The following PARP10 variants were observed in gnomAD, a reference collection of about 807,000 sequenced individuals.
The protein encoded by PARP10 is protein mono-ADP-ribosyltransferase PARP10.
Under a neutral mutation model 82.4 loss-of-function variants are expected in PARP10, and 56 were observed. That is an observed-to-expected ratio of 0.68 (90% CI 0.55 to 0.85). PARP10 has a LOEUF of 0.85. PARP10 is among the 40% of genes least tolerant of loss of function. PARP10 has a pLI of 0.00. For missense variants in PARP10, 1,227 were observed against 1,379.4 expected, an observed-to-expected ratio of 0.89 and a Z score of 1.75; for synonymous variants, 576 against 601.1, an observed-to-expected ratio of 0.96 and a Z score of 0.61.
chr8:143,998,020 T>G (rs1554751421), intron 1 of PARP10, among the ~76,000 whole-genome samples: 3 of 152,232 alleles, frequency 2.0e-5, no homozygotes, highest in Admixed American at 6.5e-5. Context: ...CTCAAACTCC[T>G]GGGTTCAAGC....
At chr8:144,007,931 A>G (rs940074838) in intron 1 of PARP10, among the ~76,000 whole-genome samples, 4 of 152,182 alleles carry the variant, frequency 2.6e-5, no homozygotes, top group Admixed American at 1.3e-4. Context: ...AGTGCCTGGT[A>G]TACAATAAGC....
chr8:143,983,474 G>C lies in PARP10; in HGVS notation c.2115C>G (p.Gly705=), dbSNP rs1554748244. The C allele has an allele frequency of 6.2e-7, 1 of 1,606,864 alleles. No individual in the cohort carries two copies. Among genetic ancestry groups the C allele is most frequent in the Non-Finnish European group, 8.5e-7 (1 of 1,178,614 alleles). The change falls in exon 8 of 11, where the codon GGC becomes GGG. Residue 705 remains glycine, a synonymous_variant. Coordinates refer to ENST00000313028, the MANE Select transcript of PARP10 (RefSeq NM_032789.5). ...CCGAGTGCACCACCAGCTGGGCCTT[G>C]CCATCAGTCCCCCCATCTGGGGGCT... The part of the protein sequence containing the change: ...AEEPPDGGTD[G]KAQLVVHSAF...
chr8:144,011,240 C>A lies in PARP10; in HGVS notation c.-80+1290G>T, dbSNP rs1487822715. On this transcript the variant is annotated intron_variant, in intron 1 of 3. Transcript: ENST00000530478. The surrounding 1 kb of genome is among the most constrained non-coding windows in gnomAD (Gnocchi z 4.5). ...TTTCACATGTTGAAGGAAAGCCCAA[C>A]AGAGACACTCTATAAAGTTAGAGGG... is the stretch of plus-strand genomic sequence containing the variant. Among the ~76,000 whole-genome samples, 1 of 152,046 alleles carries A rather than the reference C, an allele frequency of 6.6e-6. No individual in the cohort carries two copies. The highest frequency in any genetic ancestry group is 1.5e-5 in the Non-Finnish European group (1 of 68,022).
At chr8:143,982,843 C>T (rs1337795096) in intron 9 of PARP10, 89 bp downstream of exon 9, 36 of 1,550,300 alleles carry the variant, frequency 2.3e-5, no homozygotes, top group Middle Eastern at 3.6e-4. Flanking sequence ...TTGATGTAGG[C>T]GAGAGGGACA....
chr8:143,980,137 T>C (rs1305678059), intron 9 of PARP10, among the ~76,000 whole-genome samples: 3 of 149,890 alleles, frequency 2.0e-5, no homozygotes, highest in Non-Finnish European at 3.0e-5. Flanking sequence ...CTGGCTAACA[T>C]GGTGAAACCC....
At chr8:143,980,654 A>G (rs1417746161) in intron 9 of PARP10, among the ~76,000 whole-genome samples, 1 of 152,122 alleles carries the variant, frequency 6.6e-6, no homozygotes, top group African/African-American at 2.4e-5. Context: ...CACTAAACAA[A>G]AGAGTCTGTG....
intron 1 of PARP10, among the ~76,000 whole-genome samples, chr8:144,004,244 G>A (rs1834220865): frequency 6.6e-6 from 1 of 152,124 alleles, no homozygotes; most frequent in Non-Finnish European, 1.5e-5. Flanking sequence ...CCAGGAGGTC[G>A]AGGCCCTGTC....
rs1382870143 is a variant in PARP10 at position 143,986,414 on chromosome 8, C to T, written c.-55G>A. 8 of 1,613,902 alleles carry T rather than the reference C, an allele frequency of 5.0e-6. No individual in the cohort carries two copies. The African/African-American group carries it at 8.0e-5, about 16-fold the overall frequency. On this transcript the variant is annotated 5_prime_UTR_variant, in exon 1 of 11. Transcript: ENST00000313028. The stretch of plus-strand genomic sequence containing the variant: ...ATGAGCTCAGCCAGGACTCCTGTGC[C>T]TGCCCCTCAGCAAGCCTAACCCTGC...
At chr8:144,004,193 C>T (rs1834220515) in intron 1 of PARP10, among the ~76,000 whole-genome samples, 1 of 151,938 alleles carries the variant, frequency 6.6e-6, no homozygotes, top group Admixed American at 6.5e-5. Context: ...TGGCGCTTGC[C>T]TGTAGTCCTC....
intron 1 of PARP10, among the ~76,000 whole-genome samples, chr8:144,007,273 C>T (rs1392451984): frequency 6.6e-6 from 1 of 152,244 alleles, no homozygotes; most frequent in Admixed American, 6.5e-5. Flanking sequence ...TGAGGCCACT[C>T]TTCCCAGCTC....
rs1554746667 is a variant in PARP10, at chr8:143,977,840, G to A, written c.2732-10C>T. 1.3e-6 allele frequency: 2 copies of A among 1,597,576 alleles called. No individual in the cohort carries two copies. The highest frequency in any genetic ancestry group is 1.7e-6 in the Non-Finnish European group (2 of 1,172,734). ...TTCCCGTAGACCGTGGCTGCAGGGCGAGACGGGGCAAGGTCAGGGTGGTCG... is the reference window on the plus strand; with the variant it reads ...TTCCCGTAGACCGTGGCTGCAGGGCAAGACGGGGCAAGGTCAGGGTGGTCG... On this transcript the variant is annotated splice_polypyrimidine_tract_variant and intron_variant, in intron 10 of 10. Transcript: ENST00000313028.
upstream of PARP10, among the ~76,000 whole-genome samples, chr8:143,994,262 G>T (rs376574255): frequency 2.6e-5 from 4 of 152,220 alleles, no homozygotes; most frequent in East Asian, 1.9e-4. Flanking sequence ...GTTGTGGGGT[G>T]CCCAGAGCCA....
upstream of PARP10, among the ~76,000 whole-genome samples, chr8:143,994,377 C>T (rs1465858928): frequency 1.3e-5 from 2 of 152,202 alleles, no homozygotes; most frequent in African/African-American, 4.8e-5. Flanking sequence ...CTGGCCTCCT[C>T]GCCTGCCCCG....
intron 1 of PARP10, among the ~76,000 whole-genome samples, chr8:144,010,244 G>A (rs1302169518): frequency 1.3e-5 from 2 of 152,172 alleles, no homozygotes; most frequent in African/African-American, 4.8e-5. Context: ...TCAATTCATA[G>A]CCACTCTCCA....
chr8:144,003,428 CAAAA>C (rs782496305), intron 1 of PARP10, among the ~76,000 whole-genome samples: 1 of 56,116 alleles, frequency 1.8e-5, no homozygotes, highest in Non-Finnish European at 4.2e-5. Context: ...AACTCTGTCT[CAAAA>C]AAAAAAAAAA....
intron 1 of PARP10, among the ~76,000 whole-genome samples, chr8:144,000,196 A>T (rs138091565): frequency 3.9e-5 from 6 of 152,306 alleles, no homozygotes; most frequent in African/African-American, 1.4e-4. Flanking sequence ...GTGTGACCTA[A>T]TTTGGAAATA....
chr8:143,978,099 G>C lies in PARP10; in HGVS notation c.2557-18C>G. The C allele has an allele frequency of 6.7e-7, 1 of 1,489,802 alleles. No individual in the cohort carries two copies. Among genetic ancestry groups the C allele is most frequent in the Non-Finnish European group, 8.9e-7 (1 of 1,120,672 alleles). 92.3% of individuals were successfully genotyped at this position (1,489,802 alleles called of 1,614,324 possible). A position where few individuals can be genotyped will look rare whatever the true frequency, so the allele number is the denominator to read the frequency against. ...CGCTCCACCTGCGGGGAAGGCCCGG[G>C]CCAGGATTAAACACCCTCCCTACGC... On this transcript the variant is annotated intron_variant, in intron 9 of 10. Coordinates refer to ENST00000313028, the MANE Select transcript of PARP10 (RefSeq NM_032789.5).
At position 144,010,888 on chromosome 8, in the gene PARP10, A is replaced by T. The variant is rs539866664; in HGVS notation, c.-80+1642T>A. 1.3e-4 allele frequency among the ~76,000 whole-genome samples: 20 copies of T among 152,200 alleles called. 1 individual carries two copies. The South Asian group carries it at 3.3e-3, about 25-fold the overall frequency. The stretch of plus-strand genomic sequence containing the variant: ...CAACAGACTGAGACCTTGCCTCAAA[A>T]AAATAAATAAATAAATAAACAAATT... On this transcript the variant is annotated intron_variant, in intron 1 of 3. Transcript: ENST00000530478.
intron 1 of PARP10, among the ~76,000 whole-genome samples, chr8:144,009,046 C>A (rs141088171): frequency 1.3e-5 from 2 of 152,024 alleles, no homozygotes; most frequent in Admixed American, 1.3e-4. Context: ...GCAGCAGAGG[C>A]GTGGTGGGCC....
Sources: allele counts gnomAD v4.1 joint callset (sites outside exome capture counted in the v4.1 genomes callset), GRCh38; gene constraint gnomAD v4.1.1; non-coding constraint Gnocchi (gnomAD v3.1); transcripts MANE v1.5; gene names NCBI Gene and HGNC (gene_info 2026-07-23, HGNC 2026-07-21).